FAM118A: variants seen among roughly 807,000 people sequenced by gnomAD.
The protein encoded by FAM118A is SIR2 antiphage like 2, also known as protein FAM118A.
A neutral mutation model predicts 38.2 loss-of-function variants in FAM118A; 25 were observed. The observed-to-expected ratio is 0.65, with a 90% confidence interval of 0.48 to 0.91. FAM118A has a LOEUF of 0.91. Ranked by LOEUF, FAM118A falls within the 40% of genes least tolerant of loss-of-function variation. The probability of loss-of-function intolerance (pLI) is 0.00; values close to 1 mark genes in which losing one functional copy is unlikely to be tolerated. For synonymous variants in FAM118A, 178 were observed against 184.1 expected (o/e 0.97, Z 0.27); for missense variants, 425 against 463.3 (o/e 0.92, Z 0.76).
intron 8 of FAM118A, among the ~76,000 whole-genome samples, chr22:45,338,497 G>A (rs553434762): frequency 3.3e-5 from 5 of 152,162 alleles, no homozygotes; most frequent in African/African-American, 9.7e-5. Flanking sequence ...AAACTGCTGG[G>A]ATTATAGGCG....
chr22:45,312,969 A>G (rs1189061857), intron 1 of FAM118A, among the ~76,000 whole-genome samples: 2 of 152,170 alleles, frequency 1.3e-5, no homozygotes, highest in Non-Finnish European at 2.9e-5. Flanking sequence ...CGTAATCTTT[A>G]GCCCTCTCTT....
chr22:45,323,048 T>TGG, intron 2 of FAM118A, 127 bp from the exon 3 acceptor site: 1 of 916,950 alleles, frequency 1.1e-6, no homozygotes, highest in Non-Finnish European at 1.6e-6. Context: ...GGACTGTGTG[T>TGG]GTGTGTGTGT....
In FAM118A at chr22:45,336,417, G is replaced by T; in HGVS notation, c.1054+6G>T. The T allele has an allele frequency of 2.5e-6, 4 of 1,611,386 alleles. No homozygotes were observed. The highest frequency in any genetic ancestry group is 3.4e-6 in the Non-Finnish European group (4 of 1,177,562). On this transcript the variant is annotated splice_donor_region_variant and intron_variant, in intron 8 of 8. Coordinates refer to ENST00000441876, the MANE Select transcript of FAM118A (RefSeq NM_017911.4). ...ACGCACACAATCAGATACTGGTATT[G>T]TGTCTGTTCTTTTTGTGGGGAGCTG...
At chr22:45,328,526 G>A in intron 4 of FAM118A, 2 of 742,608 alleles carry the variant, frequency 2.7e-6, no homozygotes, top group Non-Finnish European at 5.0e-6. Context: ...CCGCTACTGG[G>A]GAGGCCGAGG....
At chr22:45,328,737 CA>C in intron 4 of FAM118A, 1 of 479,804 alleles carries the variant, frequency 2.1e-6, no homozygotes, top group Non-Finnish European at 3.8e-6. Flanking sequence ...GAGCTGAGAT[CA>C]CTGTACTCCA....
chr22:45,314,995 C>T (rs1171353523), intron 1 of FAM118A, among the ~76,000 whole-genome samples: 2 of 152,236 alleles, frequency 1.3e-5, no homozygotes, highest in East Asian at 1.9e-4. Context: ...GGAGTCGCCA[C>T]CTCATCGGGT....
At position 45,314,193 on chromosome 22, in the gene FAM118A, G is replaced by A. The variant is rs116984967; in HGVS notation, c.-10+4010G>A. Among the ~76,000 whole-genome samples the A allele has an allele frequency of 5.2e-3, 795 of 152,166 alleles. 3 individuals carry two copies. Among genetic ancestry groups the A allele is most frequent in the Non-Finnish European group, 8.3e-3 (568 of 68,028 alleles). On this transcript the variant is annotated intron_variant, in intron 1 of 8. Transcript: ENST00000441876. ...GTTGGTAGCATTGTTCCTCCATGTG[G>A]CCCTCCTTATCTGTTCCCACCCCGC... is the stretch of plus-strand genomic sequence containing the variant.
intron 8 of FAM118A, 82 bp from the exon 9 acceptor site, chr22:45,340,304 T>C (rs899062567): frequency 4.5e-6 from 7 of 1,540,042 alleles, no homozygotes; most frequent in Non-Finnish European, 6.3e-6. Context: ...TGTAAAGCAG[T>C]TTCTGAAATA....
chr22:45,334,359 A>G (rs982882882), intron 6 of FAM118A, among the ~76,000 whole-genome samples: 13 of 152,324 alleles, frequency 8.5e-5, no homozygotes, highest in African/African-American at 2.4e-4. Flanking sequence ...AGAGGCAGGT[A>G]TATGTGACCA....
chr22:45,312,998 G>T (rs2095092666), intron 1 of FAM118A, among the ~76,000 whole-genome samples: 1 of 152,106 alleles, frequency 6.6e-6, no homozygotes, highest in African/African-American at 2.4e-5. Context: ...TAGTGGGTGG[G>T]GCTGAAAGTT....
chr22:45,333,527 A>C (rs2085868878), intron 6 of FAM118A, among the ~76,000 whole-genome samples: 1 of 152,074 alleles, frequency 6.6e-6, no homozygotes, highest in South Asian at 2.1e-4. Context: ...ACAAAAAATT[A>C]GCTGGGCATG....
chr22:45,312,023 G>A (rs1410093406), intron 1 of FAM118A, among the ~76,000 whole-genome samples: 1 of 152,122 alleles, frequency 6.6e-6, no homozygotes, highest in Non-Finnish European at 1.5e-5. Flanking sequence ...TCTCAGAGGT[G>A]GGCCAGGACC....
At chr22:45,324,406 C>T (rs1014063842) in intron 3 of FAM118A, among the ~76,000 whole-genome samples, 2 of 151,948 alleles carry the variant, frequency 1.3e-5, no homozygotes, top group Non-Finnish European at 2.9e-5. Context: ...GAGGGAAGTG[C>T]GGGGAGGGGA....
intron 1 of FAM118A, among the ~76,000 whole-genome samples, chr22:45,313,342 G>A (rs2084462309): frequency 7.9e-6 from 1 of 126,492 alleles, no homozygotes; most frequent in Non-Finnish European, 1.7e-5. Context: ...TTTTTTTTGA[G>A]ATGGAGTTTT....
intron 1 of FAM118A, chr22:45,321,692 C>G (rs970202676): frequency 6.5e-6 from 1 of 154,722 alleles, no homozygotes; most frequent in Non-Finnish European, 1.4e-5. Context: ...GGATTACAAG[C>G]ATGAGCCACC....
intron 1 of FAM118A, among the ~76,000 whole-genome samples, chr22:45,312,064 G>A (rs969524986): frequency 6.6e-6 from 1 of 152,102 alleles, no homozygotes; most frequent in Admixed American, 6.5e-5. Flanking sequence ...AAGAGAACCT[G>A]TGTGTGGAAA....
intron 1 of FAM118A, chr22:45,318,305 G>C (rs1394749088): frequency 6.6e-6 from 1 of 151,968 alleles, no homozygotes; most frequent in Non-Finnish European, 1.5e-5. Context: ...ATAGGTCCTT[G>C]AAAAAAAAGA....
At chr22:45,319,731 T>C (rs1234967300) in intron 1 of FAM118A, among the ~76,000 whole-genome samples, 1 of 152,208 alleles carries the variant, frequency 6.6e-6, no homozygotes, top group Non-Finnish European at 1.5e-5. Flanking sequence ...CAACTTCTGT[T>C]ACTTTCCTTA....
In FAM118A at chr22:45,332,723, G is replaced by T; in HGVS notation, c.937+13G>T. 6.5e-7 allele frequency: 1 copy of T among 1,548,758 alleles called. No individual in the cohort carries two copies. The highest frequency in any genetic ancestry group is 1.2e-5 in the South Asian group (1 of 81,196). ...CAGCAAAGCCCAGGTATGGGATCTG[G>T]CTTCACTTTCCTTTTTCTTTCTTTT... is the stretch of plus-strand genomic sequence containing the variant. On this transcript the variant is annotated intron_variant, in intron 6 of 8. Transcript: ENST00000441876.
Sources: allele counts gnomAD v4.1 joint callset (sites outside exome capture counted in the v4.1 genomes callset), GRCh38; gene constraint gnomAD v4.1.1; transcripts MANE v1.5; gene names NCBI Gene and HGNC (gene_info 2026-07-23, HGNC 2026-07-21).